The following ZER1 variants were observed in gnomAD, a reference collection of about 807,000 sequenced individuals.
ZER1 encodes the protein zyg-11 related cell cycle regulator.
ZER1 carries 11 observed loss-of-function variants against 78.8 expected under a neutral mutation model. That is an observed-to-expected ratio of 0.14 (90% CI 0.09 to 0.23). The LOEUF (loss-of-function observed/expected upper bound fraction) is 0.23, where lower values mean the gene tolerates loss of function less well. Ranked by LOEUF, ZER1 falls within the 10% of genes least tolerant of loss-of-function variation. ZER1 has a pLI of 1.00. For synonymous variants in ZER1, 400 were observed against 407.0 expected, an observed-to-expected ratio of 0.98 and a Z score of 0.21; for missense variants, 588 against 996.9, an observed-to-expected ratio of 0.59 and a Z score of 5.52.
Position 128,751,354 on chromosome 9 carries a change from C to T in ZER1, c.1038+59G>A. The T allele has an allele frequency of 6.2e-7, 1 of 1,611,978 alleles. No homozygotes were observed. Among genetic ancestry groups the T allele is most frequent in the South Asian group, 1.1e-5 (1 of 91,020 alleles). On this transcript the variant is annotated intron_variant, in intron 6 of 15. Coordinates refer to ENST00000291900, the MANE Select transcript of ZER1 (RefSeq NM_006336.4). The surrounding 1 kb of genome is among the most constrained non-coding windows in gnomAD (Gnocchi z 5.4). ...CAGCTCAGTCTCCAGCCCCAGAATC[C>T]AGCTCCTTCTCTCTCCCAAGGCTCC...
chr9:128,763,680 C>A (rs1465583693), intron 1 of ZER1, among the ~76,000 whole-genome samples: 1 of 152,164 alleles, frequency 6.6e-6, no homozygotes, highest in African/African-American at 2.4e-5. Flanking sequence ...GGAGTCAGAG[C>A]AGGTATCCTT....
chr9:128,741,905 C>T, intron 9 of ZER1, 64 bp from the exon 10 acceptor site: 1 of 1,606,226 alleles, frequency 6.2e-7, no homozygotes, highest in Non-Finnish European at 8.5e-7. Context: ...CCCACGAACC[C>T]AAGATGGAGG....
In ZER1 at chr9:128,764,489, C is replaced by T. The variant is rs539614416; in HGVS notation, c.-95+7092G>A. Reference sequence around the variant, plus strand: ...TCCCCAAGTGGAAGAAACACCACCACGTCAGTTGTCACGGTCACCAAAAGC... The same window carrying T: ...TCCCCAAGTGGAAGAAACACCACCATGTCAGTTGTCACGGTCACCAAAAGC... On this transcript the variant is annotated intron_variant, in intron 1 of 15. Coordinates refer to ENST00000291900, the MANE Select transcript of ZER1 (RefSeq NM_006336.4). 3.8e-4 allele frequency among the ~76,000 whole-genome samples: 58 copies of T among 152,290 alleles called. No homozygotes were observed. The South Asian group carries it at 0.011, about 29-fold the overall frequency.
At chr9:128,769,449 C>T (rs1317203854) in intron 1 of ZER1, among the ~76,000 whole-genome samples, 6 of 150,164 alleles carry the variant, frequency 4.0e-5, no homozygotes, top group Admixed American at 1.3e-4. Context: ...TCGCTCCTGT[C>T]GCCCAGGCTG....
Position 128,751,003 on chromosome 9 carries a change from C to T in ZER1, c.1185+119G>A, listed in dbSNP as rs986230495. 2.8e-6 allele frequency: 4 copies of T among 1,447,160 alleles called. No homozygotes were observed. The Admixed American group carries it at 1.0e-4, about 37-fold the overall frequency. The allele number at this position is 1,447,160 out of a possible 1,614,324, so 89.6% of individuals were successfully genotyped here. ...GTGAGGCCCAGGCTGGGGTTCGGGT[C>T]CTGGGGCCCTGGGGACAGGGTGCAG... On this transcript the variant is annotated intron_variant, in intron 7 of 15. Coordinates refer to ENST00000291900, the MANE Select transcript of ZER1 (RefSeq NM_006336.4). This position sits in a 1 kb window ranked among gnomAD's most constrained non-coding sequence, Gnocchi z 5.4.
intron 13 of ZER1, among the ~76,000 whole-genome samples, chr9:128,739,008 C>T (rs778069263): frequency 4.0e-5 from 6 of 151,690 alleles, no homozygotes; most frequent in Non-Finnish European, 8.8e-5. Context: ...TGTGCCACCA[C>T]GCCAGGTTAA....
At chr9:128,735,744 G>A in intron 13 of ZER1, among the ~76,000 whole-genome samples, 1 of 129,000 alleles carries the variant, frequency 7.8e-6, no homozygotes, top group African/African-American at 2.8e-5. Context: ...CCTGGGAACA[G>A]AAGCACGTGT....
At chr9:128,741,512 C>G in intron 11 of ZER1, 23 bp downstream of exon 11, 1 of 1,613,974 alleles carries the variant, frequency 6.2e-7, no homozygotes, top group Non-Finnish European at 8.5e-7. Context: ...GAGGCAGCTG[C>G]TGCTGCAGGA....
Position 128,751,636 on chromosome 9 carries a change from C to T in ZER1, c.924-109G>A. On this transcript the variant is annotated intron_variant, in intron 5 of 15. Coordinates refer to ENST00000291900, the MANE Select transcript of ZER1 (RefSeq NM_006336.4). The surrounding 1 kb of genome is among the most constrained non-coding windows in gnomAD (Gnocchi z 5.4). ...TTGCTTTCTCTTCTAGGCCCTCCAA[C>T]CTCATCCCCTACTCCTTTTGTTTTT... 1 of 826,124 alleles carries T rather than the reference C, an allele frequency of 1.2e-6. No individual in the cohort carries two copies. Among genetic ancestry groups the T allele is most frequent in the Non-Finnish European group, 2.0e-6 (1 of 508,316 alleles). 51.2% of individuals were successfully genotyped at this position (826,124 alleles called of 1,614,324 possible). A position where few individuals can be genotyped will look rare whatever the true frequency, so the allele number is the denominator to read the frequency against.
chr9:128,736,110 G>T (rs956357096), intron 13 of ZER1, among the ~76,000 whole-genome samples: 2 of 150,778 alleles, frequency 1.3e-5, no homozygotes, highest in African/African-American at 4.9e-5. Context: ...CACCAAACCC[G>T]GCTAATTTTT....
At chr9:128,756,575 G>T (rs541071484) in intron 1 of ZER1, among the ~76,000 whole-genome samples, 1 of 152,212 alleles carries the variant, frequency 6.6e-6, no homozygotes, top group Non-Finnish European at 1.5e-5. Context: ...GTCATAAAAA[G>T]TAGTGATCCA....
At position 128,740,233 on chromosome 9, in the gene ZER1, C is replaced by T. The variant is rs150872796; in HGVS notation, c.1854-114G>A. 9.4e-7 allele frequency: 1 copy of T among 1,063,120 alleles called. No homozygotes were observed. Among genetic ancestry groups the T allele is most frequent in the South Asian group, 1.7e-5 (1 of 60,548 alleles). 65.9% of individuals were successfully genotyped at this position (1,063,120 alleles called of 1,614,324 possible). ...CAAGAGGTGCTACTTATTTCTTTAT[C>T]CCATATCGTCTATATACCCAGACTA... is the stretch of plus-strand genomic sequence containing the variant. On this transcript the variant is annotated intron_variant, in intron 12 of 15. Coordinates refer to ENST00000291900, the MANE Select transcript of ZER1 (RefSeq NM_006336.4). This position sits in a 1 kb window ranked among gnomAD's most constrained non-coding sequence, Gnocchi z 4.4.
intron 1 of ZER1, among the ~76,000 whole-genome samples, chr9:128,757,273 C>T (rs1006678315): frequency 2.0e-5 from 3 of 152,210 alleles, no homozygotes; most frequent in Non-Finnish European, 2.9e-5. Context: ...AATCCCAGCA[C>T]TTTGGGAGCC....
rs918235437 is a variant in ZER1 at position 128,751,052 on chromosome 9, G to A, written c.1185+70C>T. ...AGAAGGACACAGGCTCTGGGGACAC[G>A]GCTCAGCCAAGCCCGGCAACCTCCA... On this transcript the variant is annotated intron_variant, in intron 7 of 15. Coordinates refer to ENST00000291900, the MANE Select transcript of ZER1 (RefSeq NM_006336.4). This position sits in a 1 kb window ranked among gnomAD's most constrained non-coding sequence, Gnocchi z 5.4. The A allele has an allele frequency of 4.7e-5, 72 of 1,520,054 alleles. No individual in the cohort carries two copies. Among genetic ancestry groups the A allele is most frequent in the African/African-American group, 5.5e-5 (4 of 72,794 alleles). 94.2% of individuals were successfully genotyped at this position (1,520,054 alleles called of 1,614,324 possible).
intron 13 of ZER1, among the ~76,000 whole-genome samples, chr9:128,736,656 A>G (rs1863093758): frequency 6.8e-6 from 1 of 146,002 alleles, no homozygotes; most frequent in Admixed American, 6.8e-5. Context: ...TACAGGCGTG[A>G]GCCACCATGC....
At chr9:128,731,518 A>C in intron 15 of ZER1, 124 bp from the exon 16 acceptor site, 1 of 765,104 alleles carries the variant, frequency 1.3e-6, no homozygotes, top group Non-Finnish European at 2.1e-6. Context: ...TGACCGAATG[A>C]TGTGGACAGA....
chr9:128,768,288 C>T lies in ZER1; in HGVS notation c.-95+3293G>A, dbSNP rs545848780. ...AAAAAACCAGAGTGCCAAGAGCAGT[C>T]TTCCAGCTAGTGGGCCCCCAAAACG... On this transcript the variant is annotated intron_variant, in intron 1 of 15. Coordinates refer to ENST00000291900, the MANE Select transcript of ZER1 (RefSeq NM_006336.4). Among the ~76,000 whole-genome samples, 39 of 152,316 alleles carry T rather than the reference C, an allele frequency of 2.6e-4. 1 individual carries two copies. The South Asian group carries it at 5.8e-3, about 23-fold the overall frequency.
intron 1 of ZER1, among the ~76,000 whole-genome samples, chr9:128,757,768 G>A (rs1417762978): frequency 1.3e-5 from 2 of 152,106 alleles, no homozygotes. Context: ...CAGGGCTGGC[G>A]GCAGGGCAAA....
rs1227844919 is a variant in ZER1 at position 128,731,292 on chromosome 9, C to T, written c.*45G>A. On this transcript the variant is annotated 3_prime_UTR_variant, in exon 16 of 16. Coordinates refer to ENST00000291900, the MANE Select transcript of ZER1 (RefSeq NM_006336.4). ...CTGGGCTGCTTGAGCATGCTTCCTC[C>T]CCGCCTGTGGTCCAGAGCGGTGGCG... 1.9e-6 allele frequency: 3 copies of T among 1,600,176 alleles called. No homozygotes were observed. The highest frequency in any genetic ancestry group is 2.2e-5 in the East Asian group (1 of 44,702).
Sources: allele counts gnomAD v4.1 joint callset (sites outside exome capture counted in the v4.1 genomes callset), GRCh38; gene constraint gnomAD v4.1.1; non-coding constraint Gnocchi (gnomAD v3.1); transcripts MANE v1.5; gene names NCBI Gene and HGNC (gene_info 2026-07-23, HGNC 2026-07-21).